Variants in TTLL6 observed in about 807,000 individuals in gnomAD.
The protein encoded by TTLL6 is tubulin polyglutamylase TTLL6.
Under a neutral mutation model 96.4 loss-of-function variants are expected in TTLL6, and 75 were observed. The observed-to-expected ratio is 0.78, with a 90% CI of 0.65 to 0.94. The LOEUF (loss-of-function observed/expected upper bound fraction) is 0.94. TTLL6 is among the 40% of genes least tolerant of loss of function. The pLI, the probability that TTLL6 is intolerant of heterozygous loss-of-function variation, is 0.00. For synonymous variants in TTLL6, 411 were observed against 419.4 expected (o/e 0.98, Z 0.24); for missense variants, 1,030 against 1,093.0 (o/e 0.94, Z 0.81).
At chr17:48,807,806 A>G (rs1405424990) in intron 1 of TTLL6, among the ~76,000 whole-genome samples, 2 of 149,786 alleles carry the variant, frequency 1.3e-5, no homozygotes, top group African/African-American at 4.9e-5. Flanking sequence ...GCCACCGTGC[A>G]TGGCCATTTC....
At chr17:48,788,833 C>T (rs2039160187) in intron 10 of TTLL6, among the ~76,000 whole-genome samples, 1 of 152,200 alleles carries the variant, frequency 6.6e-6, no homozygotes, top group Non-Finnish European at 1.5e-5. Flanking sequence ...GCCTGAGAAA[C>T]ACTGTGCCAT....
intron 1 of TTLL6, among the ~76,000 whole-genome samples, chr17:48,814,632 G>A (rs560654158): frequency 6.6e-6 from 1 of 152,262 alleles, no homozygotes; most frequent in East Asian, 1.9e-4. Context: ...CACTGGGACG[G>A]GTCCACTGGG....
At chr17:48,782,251 G>A (rs1341753546) in intron 13 of TTLL6, among the ~76,000 whole-genome samples, 10 of 151,694 alleles carry the variant, frequency 6.6e-5, no homozygotes, top group Non-Finnish European at 5.9e-5. Context: ...GATTACAAGC[G>A]CGCACCACCA....
rs1194689450 is a variant in TTLL6, at chr17:48,791,540, C to T, written c.1062G>A (p.Arg354=). 1 of 1,614,114 alleles carries T rather than the reference C, an allele frequency of 6.2e-7. No individual in the cohort carries two copies. ...TCTTGATGATGACGTCCTCAATATC[C>T]CTCCATATCTGCTCCACGTTGTAGC... ...DHSYNVEQIW[R]DIEDVIIKTL... Residue 354 remains arginine, a synonymous_variant, in exon 9 of 16, where the codon AGG becomes AGA. Coordinates refer to ENST00000393382, the MANE Select transcript of TTLL6 (RefSeq NM_001130918.3).
chr17:48,782,877 C>A (rs2143297345), intron 13 of TTLL6, among the ~76,000 whole-genome samples: 1 of 152,144 alleles, frequency 6.6e-6, no homozygotes, highest in East Asian at 1.9e-4. Context: ...TCATGCCCAG[C>A]TAATTTTTGT....
intron 3 of TTLL6, among the ~76,000 whole-genome samples, chr17:48,802,076 GAAAAAGAAAGAA>G (rs2039428756): frequency 3.2e-5 from 2 of 62,206 alleles, no homozygotes; most frequent in African/African-American, 5.4e-5. Flanking sequence ...AAGAAAGAAA[GAAAAAGAAAGAA>G]AGAAAGAAAG....
intron 7 of TTLL6, among the ~76,000 whole-genome samples, chr17:48,796,775 C>T (rs557158334): frequency 6.6e-6 from 1 of 152,222 alleles, no homozygotes; most frequent in East Asian, 1.9e-4. Context: ...GTGGTTCTGG[C>T]TTTGGAGTCA....
intron 1 of TTLL6, among the ~76,000 whole-genome samples, chr17:48,808,799 G>C (rs1003739973): frequency 6.6e-6 from 1 of 152,092 alleles, no homozygotes; most frequent in African/African-American, 2.4e-5. Flanking sequence ...TCAAACTCCT[G>C]ACCTCAAACG....
At position 48,785,453 on chromosome 17, in the gene TTLL6, G is replaced by T. The variant is rs116932160; in HGVS notation, c.1762-252C>A. On this transcript the variant is annotated intron_variant, in intron 12 of 15. Coordinates refer to ENST00000393382, the MANE Select transcript of TTLL6 (RefSeq NM_001130918.3). Reference sequence around the variant, plus strand: ...GTGCATTGTGTACTTTCTGGCAAGAGATTCCATAGCTTTTATCAGATTCTT... The same window carrying T: ...GTGCATTGTGTACTTTCTGGCAAGATATTCCATAGCTTTTATCAGATTCTT... Among the ~76,000 whole-genome samples, 445 of 152,280 alleles carry T rather than the reference G, an allele frequency of 2.9e-3. 1 individual carries two copies. The highest frequency in any genetic ancestry group is 5.1e-3 in the Non-Finnish European group (348 of 68,024).
At chr17:48,794,160 G>A (rs202057410) in intron 8 of TTLL6, 58 of 1,612,910 alleles carry the variant, frequency 3.6e-5, no homozygotes, top group Non-Finnish European at 4.6e-5. Flanking sequence ...GAGGACAGGG[G>A]AAATGGAAGA....
chr17:48,807,691 T>C (rs1240694705), intron 1 of TTLL6, among the ~76,000 whole-genome samples: 1 of 151,832 alleles, frequency 6.6e-6, no homozygotes, highest in Non-Finnish European at 1.5e-5. Context: ...TTTATATTTT[T>C]AGTAGAGACA....
Position 48,799,701 on chromosome 17 carries a change from G to T in TTLL6, c.671C>A (p.Pro224Gln). 1 of 1,551,674 alleles carries T rather than the reference G, an allele frequency of 6.4e-7. No homozygotes were observed. The highest frequency in any genetic ancestry group is 8.7e-7 in the Non-Finnish European group (1 of 1,146,970). ...ACCTTTCCCTTGGCAGCCCGAATCC[G>T]GCTTACAAATGTATGTCTTATTTTT... ...SRKNKTYICK[P>Q]DSGCQGKGIF... Residue 224 changes from proline (P) to glutamine (Q), a missense_variant, in exon 6 of 16, where the codon CCG becomes CAG. By Grantham distance (76) the Pro-to-Gln change is moderately conservative (BLOSUM62 -1). Transcript: ENST00000393382.
Position 48,784,949 on chromosome 17 carries a change from C to A in TTLL6, c.2014G>T (p.Ala672Ser), listed in dbSNP as rs1368484653. ...FSIKEAKSAS[A>S]VNVFTGTVHL... ...ACAGTGCCAGTGAATACGTTCACTGCAGAGGCAGACTTGGCCTCCTTGATG... is the reference window on the plus strand; with the variant it reads ...ACAGTGCCAGTGAATACGTTCACTGAAGAGGCAGACTTGGCCTCCTTGATG... The change falls in exon 13 of 16, where the codon GCA becomes TCA. Residue 672 changes from alanine (A) to serine (S), a missense_variant. By Grantham distance (99) the Ala-to-Ser change is moderately conservative. Coordinates refer to ENST00000393382, the MANE Select transcript of TTLL6 (RefSeq NM_001130918.3). 1.2e-6 allele frequency: 2 copies of A among 1,614,130 alleles called. No homozygotes were observed. Among genetic ancestry groups the A allele is most frequent in the South Asian group, 2.2e-5 (2 of 91,090 alleles).
At chr17:48,771,082 G>T (rs1209865847) in intron 13 of TTLL6, among the ~76,000 whole-genome samples, 1 of 152,212 alleles carries the variant, frequency 6.6e-6, no homozygotes, top group Non-Finnish European at 1.5e-5. Context: ...CAGACTTACT[G>T]GCTAGAGGTA....
rs184518105 is a variant in TTLL6 at position 48,795,389 on chromosome 17, C to T, written c.998+672G>A. On this transcript the variant is annotated intron_variant, in intron 8 of 15. Transcript: ENST00000393382. ...GCAATAAAAAATGCACAGAAAGCACCAAGCACAGACCCCAACACACATGAA... is the reference window on the plus strand; with the variant it reads ...GCAATAAAAAATGCACAGAAAGCACTAAGCACAGACCCCAACACACATGAA... Among the ~76,000 whole-genome samples the T allele has an allele frequency of 2.5e-3, 384 of 151,642 alleles. 1 individual carries two copies. Among genetic ancestry groups the T allele is most frequent in the African/African-American group, 8.9e-3 (369 of 41,338 alleles).
rs554640485 is a variant in TTLL6 at position 48,796,037 on chromosome 17, A to G, written c.998+24T>C. On this transcript the variant is annotated intron_variant, in intron 8 of 15. Coordinates refer to ENST00000393382, the MANE Select transcript of TTLL6 (RefSeq NM_001130918.3). ...GTTCTGAGGTTGGTAGGGAAAGGAA[A>G]GAAAAATGAAGCCTCTTCCTTACCT... is the stretch of plus-strand genomic sequence containing the variant. The G allele has an allele frequency of 4.5e-6, 7 of 1,543,276 alleles. No homozygotes were observed. In the East Asian group the frequency reaches 1.5e-4, roughly 32 times the overall value.
chr17:48,774,226 G>GTTTTT (rs1260566203), intron 13 of TTLL6, among the ~76,000 whole-genome samples: 1 of 109,538 alleles, frequency 9.1e-6, no homozygotes. Flanking sequence ...CAAAATCCAG[G>GTTTTT]TTTGTTGTTT....
intron 12 of TTLL6, among the ~76,000 whole-genome samples, chr17:48,785,410 A>G (rs1250628582): frequency 6.6e-6 from 1 of 152,168 alleles, no homozygotes; most frequent in Admixed American, 6.5e-5. Context: ...AGCCACTTGA[A>G]ATTGCAGTTT....
Position 48,817,064 on chromosome 17 carries a change from C to CG in TTLL6, c.8dup (p.Leu4ValfsTer19). ...CCCTCCTCGAAGGATGAAGGAGTAA[C>CG]GCTCCCATTGGCTGCCAGACAGCCC... On this transcript the variant is annotated frameshift_variant, in exon 1 of 16. Transcript: ENST00000393382. LOFTEE classifies it high-confidence loss of function. 6.5e-7 allele frequency: 1 copy of CG among 1,542,918 alleles called. No homozygotes were observed.
Sources: gnomAD v4.1 joint callset for allele counts (sites outside exome capture counted in the v4.1 genomes callset) on GRCh38, gnomAD v4.1.1 for gene constraint, MANE v1.5 for transcripts, NCBI Gene and HGNC (gene_info 2026-07-23, HGNC 2026-07-21) for gene names.